The following LRTM3 variants were observed in gnomAD, a reference collection of about 807,000 sequenced individuals.
LRTM3 encodes leucine rich repeat transmembrane protein 3.
the LRTM3 span, chr13:102,750,438 A>G: frequency 2.9e-6 from 3 of 1,030,988 alleles, no homozygotes; most frequent in East Asian, 2.6e-5. Context: ...TATATTTCGT[A>G]TAAGAATTAC....
the LRTM3 span, chr13:102,741,678 C>T: frequency 6.5e-7 from 1 of 1,550,296 alleles, no homozygotes; most frequent in Non-Finnish European, 8.7e-7. Context: ...GTATCCAACT[C>T]TGTAAAAAAT....
the LRTM3 span, chr13:102,758,535 ATACT>A: frequency 1.5e-5 from 23 of 1,545,592 alleles, 1 homozygote; most frequent in South Asian, 1.9e-4. Flanking sequence ...AAATTGTATA[ATACT>A]TACCAAGTTT....
chr13:102,750,756 T>C, the LRTM3 span, among the ~76,000 whole-genome samples: 1 of 152,190 alleles, frequency 6.6e-6, no homozygotes, highest in Non-Finnish European at 1.5e-5. Context: ...TATGGAAATG[T>C]AATAGGTACA....
the LRTM3 span, chr13:102,737,276 G>A: frequency 6.4e-7 from 1 of 1,551,050 alleles, no homozygotes. Context: ...TATTTTCCCT[G>A]CATCAAATGA....
chr13:102,742,533 C>A, the LRTM3 span: 1 of 1,550,528 alleles, frequency 6.4e-7, no homozygotes, highest in Non-Finnish European at 8.7e-7. Context: ...AAAACAGATT[C>A]TGGATTAAAC....
chr13:102,749,239 T>C, the LRTM3 span: 17 of 1,550,580 alleles, frequency 1.1e-5, no homozygotes, highest in Non-Finnish European at 1.5e-5. Flanking sequence ...TAAGACTGAG[T>C]TTGCTTTTAC....
chr13:102,758,412 T>C, the LRTM3 span: 1 of 1,529,932 alleles, frequency 6.5e-7, no homozygotes, highest in Non-Finnish European at 8.9e-7. Flanking sequence ...TCACATACCT[T>C]TCTCCTGAAG....
At chr13:102,732,085 T>C in the LRTM3 span, 1 of 1,551,438 alleles carries the variant, frequency 6.4e-7, no homozygotes, top group Non-Finnish European at 8.7e-7. Context: ...GGGGATCTTG[T>C]GGAACTGTGT....
At chr13:102,730,744 T>C in the LRTM3 span, 2 of 1,551,746 alleles carry the variant, frequency 1.3e-6, no homozygotes, top group East Asian at 4.9e-5. Context: ...TTTTACACAC[T>C]GCAATTGTGT....
chr13:102,747,169 C>T, the LRTM3 span: 1 of 1,550,660 alleles, frequency 6.4e-7, no homozygotes, highest in Non-Finnish European at 8.7e-7. Context: ...ACTTTTCTTC[C>T]CTTTCAATTT....
chr13:102,732,483 A>G, the LRTM3 span: 1 of 1,551,056 alleles, frequency 6.4e-7, no homozygotes, highest in Non-Finnish European at 8.7e-7. Context: ...CGTTTGGGAG[A>G]AAGAGGAACA....
the LRTM3 span, chr13:102,743,568 T>G: frequency 6.5e-7 from 1 of 1,550,018 alleles, no homozygotes; most frequent in East Asian, 2.4e-5. Context: ...TGTATTGTGT[T>G]TATCTGGTTT....
chr13:102,742,980 C>A, the LRTM3 span: 1 of 1,539,022 alleles, frequency 6.5e-7, no homozygotes, highest in Non-Finnish European at 8.8e-7. Flanking sequence ...TTGTTTTTTT[C>A]TATTTTTACA....
chr13:102,755,835 A>T, the LRTM3 span, among the ~76,000 whole-genome samples: 44,781 of 148,500 alleles, frequency 0.3, 7,085 homozygotes, highest in South Asian at 0.36. Context: ...GGTTAAAAAT[A>T]AAAAAATACT....
At chr13:102,735,511 A>G in the LRTM3 span, 1 of 1,550,964 alleles carries the variant, frequency 6.4e-7, no homozygotes, top group Admixed American at 2.0e-5. Context: ...GTTTATTTTT[A>G]TCTTCCTGAA....
the LRTM3 span, among the ~76,000 whole-genome samples, chr13:102,756,693 AAACAAAAAAAC>A: frequency 0.019 from 1,947 of 104,230 alleles, 33 homozygotes; most frequent in African/African-American, 0.069. Context: ...AAAAAAAAAA[AAACAAAAAAAC>A]AAAAAGAGGC....
At chr13:102,738,628 A>T in the LRTM3 span, 1 of 1,550,326 alleles carries the variant, frequency 6.5e-7, no homozygotes, top group Non-Finnish European at 8.7e-7. Flanking sequence ...TTGAGATATT[A>T]TCAGAAATAC....
At chr13:102,749,887 A>G in the LRTM3 span, 1 of 1,551,458 alleles carries the variant, frequency 6.4e-7, no homozygotes, top group East Asian at 2.4e-5. Context: ...AGCATTGATA[A>G]GTAGTTCTGC....
chr13:102,735,366 A>T, the LRTM3 span: 1 of 1,551,246 alleles, frequency 6.4e-7, no homozygotes, highest in Non-Finnish European at 8.7e-7. Flanking sequence ...CCTGCATCTG[A>T]TGATTCCTTG....
Sources: gnomAD v4.1 joint callset for allele counts (sites outside exome capture counted in the v4.1 genomes callset) on GRCh38, gnomAD v4.1.1 for gene constraint, MANE v1.5 for transcripts, NCBI Gene and HGNC (gene_info 2026-07-23, HGNC 2026-07-21) for gene names.